The following CTNNBL1 variants were observed in gnomAD, a reference collection of about 807,000 sequenced individuals.
CTNNBL1 encodes the protein beta-catenin-like protein 1.
In CTNNBL1, 31 loss-of-function variants were observed where a neutral mutation model predicts 72.7. The ratio of observed to expected loss-of-function variants is 0.43; its 90% confidence interval spans 0.32 to 0.58. The LOEUF (loss-of-function observed/expected upper bound fraction) is 0.58. CTNNBL1 is among the 20% of genes least tolerant of loss of function. The pLI, the probability that CTNNBL1 is intolerant of heterozygous loss-of-function variation, is 0.08. For missense variants in CTNNBL1, 534 were observed against 725.1 expected (o/e 0.74, Z 3.03); for synonymous variants, 240 against 267.3 (o/e 0.90, Z 1.00).
At chr20:37,751,723 A>G (rs2073321845) in intron 4 of CTNNBL1, 1 of 152,232 alleles carries the variant, frequency 6.6e-6, no homozygotes, top group Non-Finnish European at 1.5e-5. Flanking sequence ...ATGAGCAAGA[A>G]TAGGGCTGGG....
chr20:37,751,202 T>TAAC (rs1273396822), intron 4 of CTNNBL1: 2 of 150,340 alleles, frequency 1.3e-5, no homozygotes, highest in Non-Finnish European at 3.0e-5. Context: ...CTTTATTCTT[T>TAAC]AATAATAATA....
intron 13 of CTNNBL1, among the ~76,000 whole-genome samples, chr20:37,856,145 G>C (rs2122850990): frequency 6.6e-6 from 1 of 150,522 alleles, no homozygotes; most frequent in South Asian, 2.1e-4. Flanking sequence ...GCTGAGGCAG[G>C]AGAGTCGCTT....
chr20:37,777,090 A>G (rs2073580515), intron 7 of CTNNBL1, among the ~76,000 whole-genome samples: 1 of 152,144 alleles, frequency 6.6e-6, no homozygotes, highest in Non-Finnish European at 1.5e-5. Context: ...CAAAATGGGA[A>G]ATCTTGGAAG....
At chr20:37,771,291 T>C (rs1473506362) in intron 7 of CTNNBL1, among the ~76,000 whole-genome samples, 1 of 152,212 alleles carries the variant, frequency 6.6e-6, no homozygotes, top group African/African-American at 2.4e-5. Flanking sequence ...CTGTCTTTGG[T>C]ATATTTTAGA....
rs1568804962 is a variant in CTNNBL1 at position 37,840,089 on chromosome 20, T to C, written c.1214-13T>C. On this transcript the variant is annotated splice_polypyrimidine_tract_variant and intron_variant, in intron 11 of 15. Coordinates refer to ENST00000361383, the MANE Select transcript of CTNNBL1 (RefSeq NM_030877.5). ...TGATCTCAGCATGTTCTCTTTTCTCTTTCCCAACCCAGAGCATGTCTGTTC... is the reference window on the plus strand; with the variant it reads ...TGATCTCAGCATGTTCTCTTTTCTCCTTCCCAACCCAGAGCATGTCTGTTC... 2 of 1,606,180 alleles carry C rather than the reference T, an allele frequency of 1.2e-6. No homozygotes were observed. Among genetic ancestry groups the C allele is most frequent in the South Asian group, 2.2e-5 (2 of 90,892 alleles).
chr20:37,712,237 G>A (rs951970000), intron 1 of CTNNBL1, among the ~76,000 whole-genome samples: 1 of 152,228 alleles, frequency 6.6e-6, no homozygotes, highest in African/African-American at 2.4e-5. Context: ...GAAAATGTGG[G>A]CATCGTGCCT....
At chr20:37,739,888 C>T (rs2048527698) in intron 3 of CTNNBL1, among the ~76,000 whole-genome samples, 1 of 152,138 alleles carries the variant, frequency 6.6e-6, no homozygotes, top group African/African-American at 2.4e-5. Context: ...CCTAAGGATA[C>T]ATTATGAGGA....
intron 5 of CTNNBL1, among the ~76,000 whole-genome samples, chr20:37,763,685 CCTT>C (rs2073438681): frequency 6.6e-6 from 1 of 152,128 alleles, no homozygotes; most frequent in African/African-American, 2.4e-5. Flanking sequence ...GAGATCGTTT[CCTT>C]CTTTTTTCTC....
chr20:37,857,167 G>A (rs1264900612), intron 13 of CTNNBL1, among the ~76,000 whole-genome samples: 2 of 152,218 alleles, frequency 1.3e-5, no homozygotes, highest in African/African-American at 2.4e-5. Context: ...AGGAAGTCAT[G>A]ATTATGAGCA....
chr20:37,870,870 C>T, intron 15 of CTNNBL1, among the ~76,000 whole-genome samples: 1 of 152,180 alleles, frequency 6.6e-6, no homozygotes, highest in East Asian at 1.9e-4. Context: ...AGTGCCTCCC[C>T]TTAGATCCTC....
At chr20:37,718,757 C>T (rs1195062374) in intron 1 of CTNNBL1, among the ~76,000 whole-genome samples, 1 of 152,258 alleles carries the variant, frequency 6.6e-6, no homozygotes, top group African/African-American at 2.4e-5. Context: ...GCAGAAGGAA[C>T]TCACCTGACT....
At chr20:37,796,348 C>T (rs2073774138) in intron 10 of CTNNBL1, among the ~76,000 whole-genome samples, 2 of 152,132 alleles carry the variant, frequency 1.3e-5, no homozygotes. Context: ...TGTCTCCTCC[C>T]TTCTCTGAGG....
At chr20:37,742,312 C>T (rs1206866579) in intron 3 of CTNNBL1, among the ~76,000 whole-genome samples, 2 of 152,210 alleles carry the variant, frequency 1.3e-5, no homozygotes, top group African/African-American at 4.8e-5. Flanking sequence ...CTGTTTTCAT[C>T]TGTGCCCCCA....
At chr20:37,736,109 A>G (rs1006683598) in intron 2 of CTNNBL1, among the ~76,000 whole-genome samples, 5 of 152,184 alleles carry the variant, frequency 3.3e-5, no homozygotes, top group African/African-American at 1.2e-4. Flanking sequence ...TGTACAGTCT[A>G]CTAGCTTTTT....
intron 6 of CTNNBL1, among the ~76,000 whole-genome samples, chr20:37,767,427 C>G (rs1332396827): frequency 2.0e-5 from 3 of 152,186 alleles, no homozygotes; most frequent in Non-Finnish European, 4.4e-5. Flanking sequence ...GGCCTTTCCC[C>G]TCTGTGCATG....
chr20:37,819,261 C>T (rs943443522), intron 11 of CTNNBL1, among the ~76,000 whole-genome samples: 7 of 152,126 alleles, frequency 4.6e-5, no homozygotes, highest in South Asian at 2.1e-4. Context: ...GATCTAGGCT[C>T]TTTGGGTGAC....
intron 15 of CTNNBL1, among the ~76,000 whole-genome samples, chr20:37,864,756 C>T (rs943878601): frequency 7.2e-5 from 11 of 152,146 alleles, no homozygotes; most frequent in East Asian, 1.9e-4. Flanking sequence ...CTGTGGTGCT[C>T]GGCACCCTGA....
chr20:37,870,053 C>T (rs1381517871), intron 15 of CTNNBL1, among the ~76,000 whole-genome samples: 7 of 150,922 alleles, frequency 4.6e-5, no homozygotes, highest in Non-Finnish European at 8.9e-5. Context: ...TTTTGGGGGA[C>T]GAGGACACTA....
At chr20:37,766,232 A>G (rs893498750) in intron 6 of CTNNBL1, among the ~76,000 whole-genome samples, 4 of 152,218 alleles carry the variant, frequency 2.6e-5, no homozygotes, top group Non-Finnish European at 5.9e-5. Context: ...ATTTGTTAGC[A>G]GAGTGCTGGA....
Sources: gnomAD v4.1 joint callset for allele counts (sites outside exome capture counted in the v4.1 genomes callset) on GRCh38, gnomAD v4.1.1 for gene constraint, MANE v1.5 for transcripts, NCBI Gene and HGNC (gene_info 2026-07-23, HGNC 2026-07-21) for gene names.